Variants in RAB31 observed in about 807,000 individuals in gnomAD.
RAB31 encodes ras-related protein Rab-31.
Under a neutral mutation model 25.6 loss-of-function variants are expected in RAB31, and 21 were observed. That is an observed-to-expected ratio of 0.82 (90% confidence interval 0.58 to 1.18). RAB31 has a LOEUF of 1.18. Among genes scored for constraint, RAB31 ranks in the 50% most tolerant of loss-of-function variants. RAB31 has a pLI of 0.00. For missense variants in RAB31, 196 were observed against 250.1 expected, an observed-to-expected ratio of 0.78 and a Z score of 1.46; for synonymous variants, 87 against 84.0, an observed-to-expected ratio of 1.04 and a Z score of -0.20.
At chr18:9,810,899 A>T (rs932830548) in intron 3 of RAB31, among the ~76,000 whole-genome samples, 9 of 152,328 alleles carry the variant, frequency 5.9e-5, no homozygotes, top group Non-Finnish European at 1.3e-4. Context: ...GGGTAAAAGG[A>T]TACTTAATCT....
chr18:9,724,620 A>G (rs970620939), intron 1 of RAB31, among the ~76,000 whole-genome samples: 1 of 152,240 alleles, frequency 6.6e-6, no homozygotes, highest in Non-Finnish European at 1.5e-5. Flanking sequence ...AATCTCGGCA[A>G]CATCAGGAAT....
In RAB31 at chr18:9,858,394, A is replaced by T. The variant is rs558289779; in HGVS notation, c.491-834A>T. 1.8e-4 allele frequency among the ~76,000 whole-genome samples: 27 copies of T among 152,350 alleles called. No individual in the cohort carries two copies. In the South Asian group the frequency reaches 5.0e-3, roughly 28 times the overall value. ...CAGAAAACAACTTTATTGAGATAAA[A>T]TTCACATACCATACATTTCACCCAT... is the stretch of plus-strand genomic sequence containing the variant. On this transcript the variant is annotated intron_variant, in intron 6 of 6. Transcript: ENST00000578921.
At position 9,791,998 on chromosome 18, in the gene RAB31, T is replaced by C. The variant is rs73385045; in HGVS notation, c.120-156T>C. Among the ~76,000 whole-genome samples, 1,402 of 152,320 alleles carry C rather than the reference T, an allele frequency of 9.2e-3. 34 individuals carry two copies. The highest frequency in any genetic ancestry group is 0.032 in the African/African-American group (1,343 of 41,574). ...AAAATGAGAAATATTTTATTTTGGG[T>C]GTCATGAGTCTTCTAGCCCTTTTCT... On this transcript the variant is annotated intron_variant, in intron 2 of 6. Transcript: ENST00000578921.
intron 5 of RAB31, among the ~76,000 whole-genome samples, chr18:9,821,458 G>C (rs527827837): frequency 6.6e-6 from 1 of 151,956 alleles, no homozygotes; most frequent in South Asian, 2.1e-4. Flanking sequence ...TATGATAGTT[G>C]ACACTAGTGT....
intron 5 of RAB31, among the ~76,000 whole-genome samples, chr18:9,819,872 G>A (rs1444460498): frequency 2.0e-5 from 3 of 151,908 alleles, no homozygotes; most frequent in African/African-American, 7.2e-5. Flanking sequence ...TGTTGTTAGT[G>A]TGTAGAAATG....
chr18:9,762,419 C>T (rs1013723755), intron 1 of RAB31, among the ~76,000 whole-genome samples: 11 of 152,202 alleles, frequency 7.2e-5, no homozygotes, highest in African/African-American at 2.7e-4. Context: ...TCTGCGAATG[C>T]TCCCTCCAGG....
At chr18:9,829,037 AG>A (rs1166920461) in intron 5 of RAB31, among the ~76,000 whole-genome samples, 1 of 152,200 alleles carries the variant, frequency 6.6e-6, no homozygotes, top group Non-Finnish European at 1.5e-5. Context: ...CTGCCCAGAG[AG>A]CCCATCAAAG....
intron 1 of RAB31, among the ~76,000 whole-genome samples, chr18:9,713,875 G>A (rs940457940): frequency 7.2e-5 from 11 of 152,192 alleles, no homozygotes; most frequent in African/African-American, 2.2e-4. Context: ...ATGACTGAGA[G>A]AGTGCTCGGT....
chr18:9,773,746 A>T (rs1185827965), intron 1 of RAB31, among the ~76,000 whole-genome samples: 3 of 152,100 alleles, frequency 2.0e-5, no homozygotes, highest in African/African-American at 7.2e-5. Flanking sequence ...GCACCCTTGA[A>T]TTCCCGGGCT....
chr18:9,821,481 A>G (rs896949695), intron 5 of RAB31, among the ~76,000 whole-genome samples: 5 of 152,010 alleles, frequency 3.3e-5, no homozygotes, highest in African/African-American at 1.2e-4. Flanking sequence ...CATTTATGAC[A>G]GTGATATCAT....
At chr18:9,859,002 G>T (rs2068833273) in intron 6 of RAB31, among the ~76,000 whole-genome samples, 1 of 152,106 alleles carries the variant, frequency 6.6e-6, no homozygotes, top group African/African-American at 2.4e-5. Flanking sequence ...TTCCTTACCT[G>T]AACTTCCTAA....
rs760713269 is a variant in RAB31, at chr18:9,708,392, C to T, written c.-14C>T. 1.9e-6 allele frequency: 3 copies of T among 1,559,610 alleles called. No homozygotes were observed. The highest frequency in any genetic ancestry group is 1.4e-5 in the African/African-American group (1 of 70,428). Reference sequence around the variant, plus strand: ...GGATGCTGCTGAGCCCCGGCACTGCCTGGCTGCGAGCACATGATGGCGATA... The same window carrying T: ...GGATGCTGCTGAGCCCCGGCACTGCTTGGCTGCGAGCACATGATGGCGATA... On this transcript the variant is annotated 5_prime_UTR_variant, in exon 1 of 7. Coordinates refer to ENST00000578921, the MANE Select transcript of RAB31 (RefSeq NM_006868.4). This position sits in a 1 kb window ranked among gnomAD's most constrained non-coding sequence, Gnocchi z 6.4.
At chr18:9,746,702 C>A (rs2068207478) in intron 1 of RAB31, among the ~76,000 whole-genome samples, 1 of 152,162 alleles carries the variant, frequency 6.6e-6, no homozygotes, top group South Asian at 2.1e-4. Context: ...GTTGGGACAA[C>A]CAGATATCCA....
chr18:9,859,256 T>A lies in RAB31; in HGVS notation c.519T>A (p.His173Gln), dbSNP rs758406811. Residue 173 changes from histidine (H) to glutamine (Q), a missense_variant, in exon 7 of 7, where the codon CAT becomes CAA. By Grantham distance (24) the His-to-Gln change is conservative. Transcript: ENST00000578921. The part of the protein sequence containing the change: ...ISRQIPPLDP[H>Q]ENGNNGTIKV... ...GCCAGATCCCACCCTTGGACCCCCATGAAAATGGAAACAATGGAACAATCA... is the reference window on the plus strand; with the variant it reads ...GCCAGATCCCACCCTTGGACCCCCAAGAAAATGGAAACAATGGAACAATCA... The A allele has an allele frequency of 3.1e-6, 5 of 1,613,664 alleles. No homozygotes were observed. The highest frequency in any genetic ancestry group is 4.2e-6 in the Non-Finnish European group (5 of 1,179,734).
chr18:9,739,447 T>C (rs1340992521), intron 1 of RAB31, among the ~76,000 whole-genome samples: 3 of 151,954 alleles, frequency 2.0e-5, no homozygotes, highest in Non-Finnish European at 2.9e-5. Context: ...ACTCCAGTCT[T>C]GGCAACAGAG....
intron 5 of RAB31, among the ~76,000 whole-genome samples, chr18:9,835,897 AG>A (rs1290409842): frequency 6.6e-6 from 1 of 152,118 alleles, no homozygotes; most frequent in African/African-American, 2.4e-5. Context: ...AATATGAGCT[AG>A]GGGGAGCATA....
rs1263943574 is a variant in RAB31, at chr18:9,844,279, G to A, written c.381-1303G>A. On this transcript the variant is annotated intron_variant, in intron 5 of 6. Coordinates refer to ENST00000578921, the MANE Select transcript of RAB31 (RefSeq NM_006868.4). ...TCTGACATTCTCTCCATTCGGGCCCGTGTCATTCATTTGCAAATCCGCCAT... is the reference window on the plus strand; with the variant it reads ...TCTGACATTCTCTCCATTCGGGCCCATGTCATTCATTTGCAAATCCGCCAT... 1.1e-4 allele frequency among the ~76,000 whole-genome samples: 16 copies of A among 152,070 alleles called. No homozygotes were observed. The East Asian group carries it at 2.1e-3, about 20-fold the overall frequency.
chr18:9,720,991 C>G lies in RAB31; in HGVS notation c.39+12547C>G, dbSNP rs538143378. 2.0e-5 allele frequency among the ~76,000 whole-genome samples: 3 copies of G among 152,080 alleles called. No homozygotes were observed. In the South Asian group the frequency reaches 6.3e-4, roughly 32 times the overall value. On this transcript the variant is annotated intron_variant, in intron 1 of 6. Transcript: ENST00000578921. ...CCTGTGCAGGTCGTTCTCTGGGGTC[C>G]GTGGTCCATCATGGGAGGGCAGCCA...
intron 5 of RAB31, among the ~76,000 whole-genome samples, chr18:9,830,032 G>T (rs1375869322): frequency 8.4e-6 from 1 of 119,638 alleles, no homozygotes; most frequent in Non-Finnish European, 2.0e-5. Context: ...TATTATTTTA[G>T]AGATAGGGTC....
Sources: gnomAD v4.1 joint callset for allele counts (sites outside exome capture counted in the v4.1 genomes callset) on GRCh38, gnomAD v4.1.1 for gene constraint, Gnocchi (gnomAD v3.1) non-coding constraint, MANE v1.5 for transcripts, NCBI Gene and HGNC (gene_info 2026-07-23, HGNC 2026-07-21) for gene names.